CNN3: variants seen among roughly 807,000 people sequenced by gnomAD.
CNN3 encodes the protein calponin-3.
A neutral mutation model predicts 39.0 loss-of-function variants in CNN3; 11 were observed. The ratio of observed to expected loss-of-function variants is 0.28; its 90% CI spans 0.18 to 0.47. The LOEUF is 0.47. Among genes scored for constraint, CNN3 ranks in the 20% least tolerant of loss-of-function variants. The pLI is 0.99. For missense variants in CNN3, 266 were observed against 403.4 expected, an observed-to-expected ratio of 0.66 and a Z score of 2.92; for synonymous variants, 101 against 138.3, an observed-to-expected ratio of 0.73 and a Z score of 1.89.
chr1:94,914,646 T>G (rs1671239627), intron 1 of CNN3, among the ~76,000 whole-genome samples: 1 of 152,176 alleles, frequency 6.6e-6, no homozygotes, highest in South Asian at 2.1e-4. Flanking sequence ...GGAGTCTAGA[T>G]CCAGGTCTAG....
chr1:94,903,642 G>C (rs11165268), intron 1 of CNN3, 118 bp from the exon 2 acceptor site: 126,599 of 1,369,222 alleles, frequency 0.092, 6,273 homozygotes, highest in East Asian at 0.14. Context: ...TGTAGTAAAT[G>C]ACACTCAATA....
chr1:94,899,203 TTGC>T (rs1670799658), intron 6 of CNN3, among the ~76,000 whole-genome samples, 165 bp downstream of exon 6: 1 of 152,192 alleles, frequency 6.6e-6, no homozygotes, highest in Non-Finnish European at 1.5e-5. Flanking sequence ...CATCATGCTT[TTGC>T]TGCTATCGAA....
At chr1:94,917,605 AT>A (rs1248665059) in intron 1 of CNN3, among the ~76,000 whole-genome samples, 2 of 152,230 alleles carry the variant, frequency 1.3e-5, no homozygotes, top group African/African-American at 4.8e-5. Context: ...ATACATTTAA[AT>A]GTTATGTCAA....
chr1:94,910,025 C>G (rs2101728426), intron 1 of CNN3, among the ~76,000 whole-genome samples: 2 of 152,300 alleles, frequency 1.3e-5, no homozygotes, highest in South Asian at 4.1e-4. Context: ...GTATTATCAT[C>G]ACAGAGCTTG....
rs1191099024 is a variant in CNN3, at chr1:94,903,405, G to A, written c.177C>T (p.Cys59=). The stretch of plus-strand genomic sequence containing the variant: ...GATTCTGGAGGGCTGTAACTCACTC[G>A]CAGAGGATGATGCCATCCTTTAAGC... The part of the protein sequence containing the change: ...QLGLKDGIIL[C]ELINKLQPGS... Residue 59 remains cysteine, a splice_region_variant and synonymous_variant, in exon 2 of 7, where the codon TGC becomes TGT. Coordinates refer to ENST00000370206, the MANE Select transcript of CNN3 (RefSeq NM_001839.5). 4 of 1,588,024 alleles carry A rather than the reference G, an allele frequency of 2.5e-6. No individual in the cohort carries two copies. Among genetic ancestry groups the A allele is most frequent in the African/African-American group, 2.7e-5 (2 of 73,970 alleles).
chr1:94,903,032 AC>A (rs1670909255), intron 3 of CNN3, 89 bp downstream of exon 3: 32 of 965,116 alleles, frequency 3.3e-5, no homozygotes, highest in South Asian at 1.5e-4. Context: ...AAAAAAAAAA[AC>A]ACAAAACCAA....
intron 1 of CNN3, among the ~76,000 whole-genome samples, chr1:94,909,589 C>A (rs1048445704): frequency 1.3e-4 from 20 of 152,152 alleles, no homozygotes; most frequent in Non-Finnish European, 2.5e-4. Flanking sequence ...GGACTAAGAC[C>A]ACCTTCAGAA....
intron 1 of CNN3, among the ~76,000 whole-genome samples, chr1:94,907,813 T>C (rs1212291875): frequency 6.6e-6 from 1 of 152,210 alleles, no homozygotes; most frequent in African/African-American, 2.4e-5. Flanking sequence ...TGAGCTGAGA[T>C]GGTGCCACTG....
intron 1 of CNN3, among the ~76,000 whole-genome samples, chr1:94,909,900 G>T (rs3789702): frequency 3.9e-5 from 6 of 152,158 alleles, no homozygotes; most frequent in Admixed American, 3.3e-4. Flanking sequence ...CCATGAGGTA[G>T]AGTGATGACA....
At chr1:94,921,724 T>C (rs1262267001) in intron 1 of CNN3, among the ~76,000 whole-genome samples, 4 of 152,218 alleles carry the variant, frequency 2.6e-5, no homozygotes, top group African/African-American at 9.7e-5. Context: ...CCACAAATGT[T>C]AGACTGTAAA....
rs1166873979 is a variant in CNN3, at chr1:94,927,105, C to T, written c.-211G>A. 1.7e-5 allele frequency: 8 copies of T among 480,156 alleles called. No individual in the cohort carries two copies. Among genetic ancestry groups the T allele is most frequent in the African/African-American group, 1.4e-4 (7 of 48,844 alleles). 29.7% of individuals were successfully genotyped at this position (480,156 alleles called of 1,614,324 possible). A position where few individuals can be genotyped will look rare whatever the true frequency, so the allele number is the denominator to read the frequency against. ...AGCCTCGAGCTCCGCTGCGAAGCAC[C>T]CGGCTGCCTCGCTCGCCGCCCGCAC... On this transcript the variant is annotated 5_prime_UTR_variant, in exon 1 of 7. Coordinates refer to ENST00000370206, the MANE Select transcript of CNN3 (RefSeq NM_001839.5).
chr1:94,901,231 A>G (rs747756880), intron 5 of CNN3, among the ~76,000 whole-genome samples: 5 of 151,886 alleles, frequency 3.3e-5, no homozygotes, highest in Admixed American at 6.6e-5. Context: ...GCTCATTCCC[A>G]TAATCCCAGC....
chr1:94,921,440 C>T (rs1671441074), intron 1 of CNN3, among the ~76,000 whole-genome samples: 1 of 152,064 alleles, frequency 6.6e-6, no homozygotes. Context: ...CCTCACTCTC[C>T]TGAATACAAT....
At chr1:94,899,819 C>G (rs1670817506) in intron 5 of CNN3, among the ~76,000 whole-genome samples, 1 of 152,158 alleles carries the variant, frequency 6.6e-6, no homozygotes. Flanking sequence ...CTACTCTTTC[C>G]CCAGATAACC....
chr1:94,910,545 A>G (rs2101728982), intron 1 of CNN3, among the ~76,000 whole-genome samples: 1 of 152,290 alleles, frequency 6.6e-6, no homozygotes, highest in Admixed American at 6.5e-5. Context: ...GACAATGAAC[A>G]GGTTTCAACA....
intron 1 of CNN3, among the ~76,000 whole-genome samples, chr1:94,904,998 A>G (rs895930037): frequency 6.6e-6 from 1 of 152,146 alleles, no homozygotes; most frequent in Non-Finnish European, 1.5e-5. Context: ...TTTAGTCACA[A>G]AGAAGTCCCA....
rs1233234883 is a variant in CNN3 at position 94,903,199 on chromosome 1, A to G, written c.180-11T>C. The G allele has an allele frequency of 1.9e-6, 3 of 1,610,860 alleles. No individual in the cohort carries two copies. Among genetic ancestry groups the G allele is most frequent in the Non-Finnish European group, 2.5e-6 (3 of 1,178,932 alleles). ...AGCTTGTTTATAAGTCTGAAAAGAA[A>G]AATATGAGAGACATCTTATTTACTG... On this transcript the variant is annotated splice_polypyrimidine_tract_variant and intron_variant, in intron 2 of 6. Coordinates refer to ENST00000370206, the MANE Select transcript of CNN3 (RefSeq NM_001839.5).
intron 1 of CNN3, among the ~76,000 whole-genome samples, chr1:94,914,950 C>G (rs1671247750): frequency 6.6e-6 from 1 of 151,818 alleles, no homozygotes; most frequent in Non-Finnish European, 1.5e-5. Flanking sequence ...GTGGCATGAT[C>G]ATAGCTCACT....
At chr1:94,914,622 C>A (rs1021015104) in intron 1 of CNN3, among the ~76,000 whole-genome samples, 1 of 152,168 alleles carries the variant, frequency 6.6e-6, no homozygotes, top group Non-Finnish European at 1.5e-5. Context: ...CTTAGTAAAT[C>A]TGGAACTCCT....
Sources: allele counts gnomAD v4.1 joint callset (sites outside exome capture counted in the v4.1 genomes callset), GRCh38; gene constraint gnomAD v4.1.1; transcripts MANE v1.5; gene names NCBI Gene and HGNC (gene_info 2026-07-23, HGNC 2026-07-21).